Variants in PRUNE2 observed in about 807,000 individuals in gnomAD.
PRUNE2 encodes prune homolog 2 with BCH domain, also known as protein prune homolog 2.
PRUNE2 carries 164 observed loss-of-function variants against 252.0 expected under a neutral mutation model. The observed-to-expected ratio is 0.65, with a 90% CI of 0.57 to 0.74. The LOEUF is 0.74. Ranked by LOEUF, PRUNE2 falls within the 30% of genes least tolerant of loss-of-function variation. The pLI is 0.00. For synonymous variants in PRUNE2, 1,292 were observed against 1,350.2 expected (o/e 0.96, Z 0.94); for missense variants, 3,495 against 3,711.0 (o/e 0.94, Z 1.51).
rs1423147914 is a variant in PRUNE2 at position 76,705,967 on chromosome 9, C to T, written c.6307G>A (p.Asp2103Asn). The T allele has an allele frequency of 3.1e-6, 5 of 1,613,950 alleles. No individual in the cohort carries two copies. The highest frequency in any genetic ancestry group is 1.7e-5 in the Admixed American group (1 of 60,024). ...CEHDSNSQAS[D>N]SPDICHDSEA... ...GAATCGTGACATATATCAGGGCTGT[C>T]GGAAGCCTGAGAATTGCTGTCATGT... is the stretch of plus-strand genomic sequence containing the variant. The change falls in exon 8 of 19, where the codon GAC (aspartate) becomes AAC (asparagine). Residue 2103 changes from aspartate to asparagine, a missense_variant. Physicochemically the swap from Asp to Asn is conservative, Grantham distance 23. Coordinates refer to ENST00000376718, the MANE Select transcript of PRUNE2 (RefSeq NM_015225.3).
intron 6 of PRUNE2, among the ~76,000 whole-genome samples, chr9:76,756,309 A>G (rs2051141551): frequency 6.6e-6 from 1 of 152,256 alleles, no homozygotes; most frequent in African/African-American, 2.4e-5. Flanking sequence ...AATCTGCATG[A>G]AAACGTCTCT....
intron 6 of PRUNE2, among the ~76,000 whole-genome samples, chr9:76,782,401 G>A (rs1039444329): frequency 4.6e-5 from 7 of 152,070 alleles, no homozygotes; most frequent in African/African-American, 1.4e-4. Context: ...GACCATGAAC[G>A]CTAGGGCCAG....
intron 1 of PRUNE2, among the ~76,000 whole-genome samples, chr9:76,884,997 C>G (rs538473057): frequency 2.0e-5 from 3 of 152,324 alleles, no homozygotes; most frequent in Admixed American, 6.5e-5. Context: ...GAAACAGAAA[C>G]AGAATCACTG....
rs544355015 is a variant in PRUNE2, at chr9:76,624,984, C to T, written c.9150-494G>A. 9.7e-5 allele frequency: 124 copies of T among 1,276,118 alleles called. 1 individual carries two copies. In the South Asian group the frequency reaches 1.5e-3, roughly 15 times the overall value. The allele number at this position is 1,276,118 out of a possible 1,614,324, so 79.0% of individuals were successfully genotyped here. ...CACAAGTAAAACACTGGTGTACACA[C>T]ACAGGGTCCAGCATGAATAGGAGAT... On this transcript the variant is annotated intron_variant, in intron 16 of 18. Transcript: ENST00000376718.
intron 1 of PRUNE2, among the ~76,000 whole-genome samples, chr9:76,877,037 T>C (rs1282639307): frequency 1.3e-5 from 2 of 152,116 alleles, no homozygotes; most frequent in African/African-American, 2.4e-5. Flanking sequence ...GATATATGTG[T>C]CTTCTCAGCC....
At chr9:76,719,898 T>C (rs1169937353) in intron 6 of PRUNE2, among the ~76,000 whole-genome samples, 1 of 152,130 alleles carries the variant, frequency 6.6e-6, no homozygotes, top group Admixed American at 6.5e-5. Context: ...CCTCCCACCT[T>C]GGCCTCTCAA....
At position 76,709,588 on chromosome 9, in the gene PRUNE2, G is replaced by T. The variant is rs1296134701; in HGVS notation, c.2686C>A (p.Pro896Thr). 7 of 1,613,738 alleles carry T rather than the reference G, an allele frequency of 4.3e-6. No homozygotes were observed. Among genetic ancestry groups the T allele is most frequent in the Non-Finnish European group, 5.9e-6 (7 of 1,179,866 alleles). The change falls in exon 8 of 19, where the codon CCA (proline) becomes ACA (threonine). Residue 896 changes from proline to threonine, a missense_variant. By Grantham distance (38) the Pro-to-Thr change is conservative. Coordinates refer to ENST00000376718, the MANE Select transcript of PRUNE2 (RefSeq NM_015225.3). ...ACTAAACCATTCTGATCTTCTTTTG[G>T]TGGCTTAGAATTAGTCCATGTGTGA... The part of the protein sequence containing the change: ...LDHTWTNSKP[P>T]KEDQNGLVDP...
At position 76,706,848 on chromosome 9, in the gene PRUNE2, G is replaced by A. The variant is rs776850742; in HGVS notation, c.5426C>T (p.Pro1809Leu). The A allele has an allele frequency of 1.9e-6, 3 of 1,594,936 alleles. No individual in the cohort carries two copies. In the Admixed American group the frequency reaches 5.2e-5, roughly 28 times the overall value. The change falls in exon 8 of 19, where the codon CCA becomes CTA. Residue 1809 changes from proline to leucine, a missense_variant. Physicochemically the swap from Pro to Leu is moderately conservative, Grantham distance 98 (BLOSUM62 -3). Transcript: ENST00000376718. ...AWQISPKASF[P>L]KNEDNSQLEM... ...CAGTTGAGAATTATCTTCGTTCTTT[G>A]GGAACGAAGCTTTGGGAGATATTTG...
In PRUNE2 at chr9:76,713,606, C is replaced by T. The variant is rs770224618; in HGVS notation, c.872G>A (p.Arg291Gln). The change falls in exon 7 of 19, where the codon CGA becomes CAA. Residue 291 changes from arginine to glutamine, a missense_variant. By Grantham distance (43) the Arg-to-Gln change is conservative. Transcript: ENST00000376718. ...SYLSEEQQPR[R>Q]QIAVYSENME... ...GTTTTCTGAGTACACAGCAATCTGTCGTCTCGGCTGCTGCTCCTCTGACAG... is the reference window on the plus strand; with the variant it reads ...GTTTTCTGAGTACACAGCAATCTGTTGTCTCGGCTGCTGCTCCTCTGACAG... The T allele has an allele frequency of 4.4e-6, 7 of 1,607,646 alleles. No homozygotes were observed. The highest frequency in any genetic ancestry group is 3.4e-5 in the Admixed American group (2 of 59,092).
At position 76,799,213 on chromosome 9, in the gene PRUNE2, T is replaced by G. The variant is rs552276522; in HGVS notation, c.756+24419A>C. ...AAAATTAGTCGGGTGTGGTGGCACA[T>G]GCCTGTAATCCCAGCTACTCCAAAG... On this transcript the variant is annotated intron_variant, in intron 6 of 18. Transcript: ENST00000376718. Among the ~76,000 whole-genome samples the G allele has an allele frequency of 2.8e-4, 42 of 151,716 alleles. 1 individual carries two copies. The South Asian group carries it at 8.6e-3, about 31-fold the overall frequency.
chr9:76,659,141 G>A (rs1359844877), intron 9 of PRUNE2, among the ~76,000 whole-genome samples: 2 of 152,230 alleles, frequency 1.3e-5, no homozygotes, highest in Admixed American at 6.5e-5. Flanking sequence ...TGCTGGAAAT[G>A]TAAACAAGAA....
chr9:76,698,493 A>G (rs2045596824), intron 9 of PRUNE2, among the ~76,000 whole-genome samples: 1 of 152,228 alleles, frequency 6.6e-6, no homozygotes, highest in Non-Finnish European at 1.5e-5. Context: ...AAAATGGTGA[A>G]TAGGCAAGGG....
At chr9:76,904,277 G>A (rs765501526) in intron 1 of PRUNE2, among the ~76,000 whole-genome samples, 4 of 151,542 alleles carry the variant, frequency 2.6e-5, no homozygotes, top group Non-Finnish European at 4.4e-5. Flanking sequence ...TCTAATGAAG[G>A]GTAAATAAAT....
At chr9:76,810,360 T>A (rs1589348541) in intron 6 of PRUNE2, among the ~76,000 whole-genome samples, 1 of 152,224 alleles carries the variant, frequency 6.6e-6, no homozygotes, top group South Asian at 2.1e-4. Context: ...TGATAGACAT[T>A]CAATGAGTGT....
intron 11 of PRUNE2, among the ~76,000 whole-genome samples, chr9:76,645,885 T>TAACA (rs1375358947): frequency 6.6e-6 from 1 of 152,228 alleles, no homozygotes; most frequent in Admixed American, 6.5e-5. Flanking sequence ...TTGATGATAA[T>TAACA]AACAGCACTA....
chr9:76,861,587 G>C (rs1339352851), intron 1 of PRUNE2, among the ~76,000 whole-genome samples: 2 of 152,112 alleles, frequency 1.3e-5, no homozygotes, highest in Admixed American at 6.5e-5. Context: ...TTGAAGCCTG[G>C]AGCACTGGAC....
At chr9:76,796,846 C>A (rs2056135894) in intron 6 of PRUNE2, among the ~76,000 whole-genome samples, 1 of 152,168 alleles carries the variant, frequency 6.6e-6, no homozygotes, top group Non-Finnish European at 1.5e-5. Context: ...AAGAGGGAGC[C>A]TCTCCTGCAG....
chr9:76,870,963 T>G (rs1342162692), intron 1 of PRUNE2, among the ~76,000 whole-genome samples: 2 of 152,208 alleles, frequency 1.3e-5, no homozygotes, highest in African/African-American at 4.8e-5. Context: ...AAGCAACTGC[T>G]GGGCAGCTAC....
At chr9:76,717,862 C>T (rs1316149552) in intron 6 of PRUNE2, among the ~76,000 whole-genome samples, 1 of 152,114 alleles carries the variant, frequency 6.6e-6, no homozygotes, top group Non-Finnish European at 1.5e-5. Flanking sequence ...ACTCGTGATT[C>T]CGAAGGGTCG....
Sources: gnomAD v4.1 joint callset for allele counts (sites outside exome capture counted in the v4.1 genomes callset) on GRCh38, gnomAD v4.1.1 for gene constraint, MANE v1.5 for transcripts, NCBI Gene and HGNC (gene_info 2026-07-23, HGNC 2026-07-21) for gene names.